The following DIAPH2 variants were observed in gnomAD, a reference collection of about 807,000 sequenced individuals.
The protein encoded by DIAPH2 is diaphanous related formin 2.
DIAPH2 carries 35 observed loss-of-function variants against 92.7 expected under a neutral mutation model. The observed-to-expected ratio is 0.38, with a 90% CI of 0.29 to 0.50. The LOEUF (loss-of-function observed/expected upper bound fraction) is 0.50. DIAPH2 is among the 20% of genes least tolerant of loss of function. The pLI is 0.94. For missense variants in DIAPH2, 701 were observed against 819.5 expected (o/e 0.86, Z 1.77); for synonymous variants, 301 against 280.4 (o/e 1.07, Z -0.73).
intron 4 of DIAPH2, among the ~76,000 whole-genome samples, chrX:96,781,488 C>T (rs995067424): frequency 9.0e-6 from 1 of 111,316 alleles, no homozygotes; most frequent in Non-Finnish European, 1.9e-5. Context: ...ATTCACTATC[C>T]ATTTTATATC....
At chrX:97,033,596 A>C (rs1196033967) in intron 17 of DIAPH2, among the ~76,000 whole-genome samples, 1 of 112,160 alleles carries the variant, frequency 8.9e-6, no homozygotes, top group Non-Finnish European at 1.9e-5. Flanking sequence ...TAGTATAACA[A>C]CATAAGTAAA....
intron 1 of DIAPH2, among the ~76,000 whole-genome samples, chrX:96,688,407 C>T (rs960669733): frequency 1.8e-5 from 2 of 109,791 alleles, no homozygotes; most frequent in Non-Finnish European, 1.9e-5. Flanking sequence ...TGATCTCGGC[C>T]CACTGCAACC....
chrX:97,540,937 A>G (rs967289052), intron 26 of DIAPH2, among the ~76,000 whole-genome samples: 1 of 112,064 alleles, frequency 8.9e-6, no homozygotes, highest in African/African-American at 3.2e-5. Flanking sequence ...GTAATTGTTT[A>G]TACAACTACA....
chrX:97,424,020 A>G (rs2070037151), intron 25 of DIAPH2, among the ~76,000 whole-genome samples: 1 of 111,961 alleles, frequency 8.9e-6, no homozygotes, highest in Non-Finnish European at 1.9e-5. Context: ...ACAAAATTTC[A>G]CTGAAATGCA....
At chrX:96,690,001 A>T (rs892382171) in intron 1 of DIAPH2, among the ~76,000 whole-genome samples, 10 of 107,645 alleles carry the variant, frequency 9.3e-5, no homozygotes, top group African/African-American at 3.1e-4. Context: ...TTTTTTTTTT[A>T]AAGTATATGT....
At chrX:96,802,402 T>C (rs1423533344) in intron 4 of DIAPH2, among the ~76,000 whole-genome samples, 1 of 112,418 alleles carries the variant, frequency 8.9e-6, no homozygotes, top group Non-Finnish European at 1.9e-5. Context: ...AGATTTGGCC[T>C]ATGGACTGTA....
intron 24 of DIAPH2, among the ~76,000 whole-genome samples, chrX:97,356,873 A>G (rs1035314447): frequency 1.8e-5 from 2 of 111,740 alleles, no homozygotes; most frequent in Admixed American, 9.6e-5. Flanking sequence ...CTAAAAAAAC[A>G]GTTTTTTCTA....
chrX:97,072,437 T>G (rs369367234), intron 17 of DIAPH2, among the ~76,000 whole-genome samples: 1 of 112,678 alleles, frequency 8.9e-6, no homozygotes, highest in East Asian at 2.8e-4. Context: ...TTGTACAAAT[T>G]GCAAATGGTT....
intron 25 of DIAPH2, among the ~76,000 whole-genome samples, chrX:97,423,196 G>C (rs192946970): frequency 0.031 from 3,406 of 110,970 alleles, 118 homozygotes; most frequent in African/African-American, 0.11. Context: ...GATATAACCT[G>C]TCTGCAAAGC....
At chrX:96,876,264 G>A (rs2065177960) in intron 4 of DIAPH2, among the ~76,000 whole-genome samples, 1 of 111,337 alleles carries the variant, frequency 9.0e-6, no homozygotes, top group Non-Finnish European at 1.9e-5. Context: ...GAAACAACAG[G>A]TGCTGGAGAG....
intron 5 of DIAPH2, among the ~76,000 whole-genome samples, chrX:96,896,836 A>G (rs748591082): frequency 3.5e-4 from 39 of 112,018 alleles, no homozygotes; most frequent in Non-Finnish European, 6.6e-4. Flanking sequence ...TAGGGACTTT[A>G]TACTGCATTT....
chrX:96,965,286 T>C, intron 17 of DIAPH2, 79 bp downstream of exon 17: 1 of 685,350 alleles, frequency 1.5e-6, no homozygotes, highest in South Asian at 3.4e-5. Context: ...TTTCTAGTAA[T>C]GGGTATATGT....
intron 17 of DIAPH2, among the ~76,000 whole-genome samples, chrX:97,029,839 T>C (rs1002603913): frequency 2.7e-5 from 3 of 111,659 alleles, no homozygotes; most frequent in Admixed American, 9.5e-5. Flanking sequence ...TCTTGATTAC[T>C]ATAGCTTTAT....
At chrX:96,969,341 T>C (rs1424626799) in intron 17 of DIAPH2, among the ~76,000 whole-genome samples, 2 of 111,804 alleles carry the variant, frequency 1.8e-5, no homozygotes, top group Admixed American at 1.9e-4. Context: ...TTTAATGATA[T>C]TGACTCATCC....
At chrX:96,751,924 A>G (rs1432876835) in intron 3 of DIAPH2, among the ~76,000 whole-genome samples, 11 of 109,200 alleles carry the variant, frequency 1.0e-4, no homozygotes, top group African/African-American at 3.6e-4. Context: ...AAGTGCTGGT[A>G]TTACAGGCGT....
intron 26 of DIAPH2, among the ~76,000 whole-genome samples, chrX:97,435,826 G>A: frequency 2.9e-5 from 1 of 35,027 alleles, no homozygotes; most frequent in East Asian, 9.1e-4. Flanking sequence ...TTTTTTTTTT[G>A]AGATGGACTC....
intron 23 of DIAPH2, among the ~76,000 whole-genome samples, chrX:97,293,704 G>C (rs1402550837): frequency 9.0e-6 from 1 of 111,548 alleles, no homozygotes; most frequent in Non-Finnish European, 1.9e-5. Context: ...ACTATGTTTA[G>C]ATTGTTTTAG....
At chrX:97,180,090 C>T (rs1191984366) in intron 22 of DIAPH2, among the ~76,000 whole-genome samples, 1 of 111,906 alleles carries the variant, frequency 8.9e-6, no homozygotes, top group Non-Finnish European at 1.9e-5. Flanking sequence ...ATTGGGATTG[C>T]TGGGTCAAAT....
intron 22 of DIAPH2, among the ~76,000 whole-genome samples, chrX:97,145,316 AGTAGTAGTG>A (rs2067238634): frequency 9.3e-6 from 1 of 107,108 alleles, no homozygotes; most frequent in Non-Finnish European, 1.9e-5. Flanking sequence ...TAGTAGTAGT[AGTAGTAGTG>A]GTAGTAGTAG....
Sources: gnomAD v4.1 joint callset for allele counts (sites outside exome capture counted in the v4.1 genomes callset) on GRCh38, gnomAD v4.1.1 for gene constraint, MANE v1.5 for transcripts, NCBI Gene and HGNC (gene_info 2026-07-23, HGNC 2026-07-21) for gene names.